The following TRUB1 variants were observed in gnomAD, a reference collection of about 807,000 sequenced individuals.
TRUB1 encodes the protein pseudouridylate synthase TRUB1.
TRUB1 carries 23 observed loss-of-function variants against 33.9 expected under a neutral mutation model. That is an observed-to-expected ratio of 0.68 (90% CI 0.49 to 0.96). TRUB1 has a LOEUF of 0.96. Ranked by LOEUF, TRUB1 falls within the 40% of genes least tolerant of loss-of-function variation. TRUB1 has a pLI of 0.00. For synonymous variants in TRUB1, 163 were observed against 165.4 expected, an observed-to-expected ratio of 0.99 and a Z score of 0.11; for missense variants, 378 against 422.2, an observed-to-expected ratio of 0.90 and a Z score of 0.92.
At chr10:114,973,446 A>G (rs77087468) in intron 6 of TRUB1, among the ~76,000 whole-genome samples, 6,117 of 152,292 alleles carry the variant, frequency 0.04, 150 homozygotes, top group Middle Eastern at 0.051. Context: ...CCCACTTTCA[A>G]TTTCAGCAGT....
chr10:114,948,507 T>G (rs533241743), intron 2 of TRUB1, among the ~76,000 whole-genome samples: 2 of 152,222 alleles, frequency 1.3e-5, no homozygotes, highest in Admixed American at 6.5e-5. Flanking sequence ...TTTGAATGAT[T>G]GAAGGGAAAA....
At chr10:114,967,850 C>T (rs1019190146) in intron 4 of TRUB1, among the ~76,000 whole-genome samples, 1 of 152,130 alleles carries the variant, frequency 6.6e-6, no homozygotes, top group African/African-American at 2.4e-5. Context: ...GTACCACAAG[C>T]TTAGATTTTA....
chr10:114,970,620 A>G (rs1248119778), intron 5 of TRUB1, among the ~76,000 whole-genome samples, 180 bp downstream of exon 5: 1 of 152,240 alleles, frequency 6.6e-6, no homozygotes, highest in African/African-American at 2.4e-5. Flanking sequence ...TCTAAGAGGC[A>G]GTGGAATGTG....
At chr10:114,956,865 T>C (rs2084263784) in intron 3 of TRUB1, among the ~76,000 whole-genome samples, 1 of 152,152 alleles carries the variant, frequency 6.6e-6, no homozygotes, top group South Asian at 2.1e-4. Flanking sequence ...TCAATAAGTT[T>C]TAAGTGTGTA....
rs1279079696 is a variant in TRUB1 at position 114,977,542 on chromosome 10, T to C, written c.*2163T>C. On this transcript the variant is annotated 3_prime_UTR_variant, in exon 8 of 8. Transcript: ENST00000298746. ...TGTAACATTTTACAGTGTTACCATT[T>C]GAGTAGGGGTTTTATATGTTGTTGC... 1 of 152,040 alleles carries C rather than the reference T, an allele frequency of 6.6e-6. No individual in the cohort carries two copies. The highest frequency in any genetic ancestry group is 1.5e-5 in the Non-Finnish European group (1 of 67,926). The allele number at this position is 152,040 out of a possible 1,614,324, so 9.4% of individuals were successfully genotyped here.
intron 3 of TRUB1, among the ~76,000 whole-genome samples, chr10:114,958,275 A>G (rs2084269964): frequency 6.6e-6 from 1 of 152,328 alleles, no homozygotes; most frequent in South Asian, 2.1e-4. Context: ...GTCTCAGGTG[A>G]TGAGACTGTG....
intron 6 of TRUB1, 47 bp downstream of exon 6, chr10:114,972,321 A>G: frequency 1.9e-6 from 3 of 1,549,666 alleles, no homozygotes; most frequent in Non-Finnish European, 2.6e-6. Context: ...TGTATTTTTA[A>G]TTTGTATTTG....
intron 3 of TRUB1, among the ~76,000 whole-genome samples, chr10:114,958,414 G>T (rs1048157200): frequency 2.6e-5 from 4 of 152,156 alleles, no homozygotes; most frequent in Admixed American, 1.3e-4. Flanking sequence ...ATATTAAGGT[G>T]ATTTCATCGA....
At position 114,950,393 on chromosome 10, in the gene TRUB1, A is replaced by G. The variant is rs145195676; in HGVS notation, c.386-701A>G. On this transcript the variant is annotated intron_variant, in intron 2 of 7. Transcript: ENST00000298746. Reference sequence around the variant, plus strand: ...TTGTATTGTGTTCTTATGCACAGTTATATCTGTTGATGACAAATATTTCTA... The same window carrying G: ...TTGTATTGTGTTCTTATGCACAGTTGTATCTGTTGATGACAAATATTTCTA... Among the ~76,000 whole-genome samples the G allele has an allele frequency of 1.3e-3, 199 of 152,292 alleles. 4 individuals carry two copies. The highest frequency in any genetic ancestry group is 6.6e-4 in the Non-Finnish European group (45 of 68,024).
chr10:114,948,660 T>C (rs1257807466), intron 2 of TRUB1, among the ~76,000 whole-genome samples: 10 of 152,210 alleles, frequency 6.6e-5, no homozygotes, highest in Admixed American at 5.2e-4. Flanking sequence ...ATCACCTCAC[T>C]TCAATGGCAT....
rs185068338 is a variant in TRUB1 at position 114,954,166 on chromosome 10, G to C, written c.441+3017G>C. On this transcript the variant is annotated intron_variant, in intron 3 of 7. Transcript: ENST00000298746. ...CAGATGAATTTTTATTTGCATCACA[G>C]TGCAACTAGAAAAATTAGACTTCTG... Among the ~76,000 whole-genome samples the C allele has an allele frequency of 1.6e-4, 25 of 151,990 alleles. No individual in the cohort carries two copies. In the East Asian group the frequency reaches 2.5e-3, roughly 15 times the overall value.
At chr10:114,970,293 G>A in intron 4 of TRUB1, 75 bp from the exon 5 acceptor site, 1 of 1,004,048 alleles carries the variant, frequency 1.0e-6, no homozygotes, top group Non-Finnish European at 1.5e-6. Context: ...TGAATTTTCA[G>A]GGCTGTTGGT....
intron 3 of TRUB1, among the ~76,000 whole-genome samples, chr10:114,957,849 T>TA (rs1352503232): frequency 6.6e-6 from 1 of 152,176 alleles, no homozygotes; most frequent in Non-Finnish European, 1.5e-5. Flanking sequence ...AAACAGACTC[T>TA]AAAGACAAAA....
At position 114,938,488 on chromosome 10, in the gene TRUB1, G is replaced by T. The variant is rs2084170336; in HGVS notation, c.235G>T (p.Gly79Trp). 1.9e-6 allele frequency: 3 copies of T among 1,581,244 alleles called. No individual in the cohort carries two copies. The highest frequency in any genetic ancestry group is 3.8e-5 in the Admixed American group (2 of 52,410). ...SGVFAVHKPK[G>W]PTSAELLNRL... ...CGTGTTCGCCGTGCACAAGCCCAAA[G>T]GGCCCACTTCAGCCGAGCTGCTGAA... Residue 79 changes from glycine (G) to tryptophan (W), a missense_variant, in exon 1 of 8, where the codon GGG (glycine) becomes TGG (tryptophan). Physicochemically the swap from Gly to Trp is radical, Grantham distance 184 (BLOSUM62 -2). Coordinates refer to ENST00000298746, the MANE Select transcript of TRUB1 (RefSeq NM_139169.5).
chr10:114,971,197 G>A (rs751082978), intron 5 of TRUB1, among the ~76,000 whole-genome samples: 1 of 152,142 alleles, frequency 6.6e-6, no homozygotes, highest in Admixed American at 6.5e-5. Context: ...TGCGCCCTAC[G>A]ACCTAATTAC....
chr10:114,941,535 GT>G (rs996989400), intron 1 of TRUB1, among the ~76,000 whole-genome samples: 1 of 151,994 alleles, frequency 6.6e-6, no homozygotes, highest in African/African-American at 2.4e-5. Context: ...TAGAGACAGG[GT>G]TTCCCTGTGT....
intron 3 of TRUB1, among the ~76,000 whole-genome samples, chr10:114,954,128 C>T (rs2084250379): frequency 1.3e-5 from 2 of 151,894 alleles, no homozygotes; most frequent in Non-Finnish European, 2.9e-5. Context: ...TTTTTCTTCA[C>T]TTCCTATTTT....
At chr10:114,972,448 C>G (rs186114646) in intron 6 of TRUB1, among the ~76,000 whole-genome samples, 174 bp downstream of exon 6, 1 of 152,042 alleles carries the variant, frequency 6.6e-6, no homozygotes. Context: ...AATGAGATAC[C>G]TGTAGCTATA....
intron 1 of TRUB1, among the ~76,000 whole-genome samples, chr10:114,941,047 A>C (rs1253234775): frequency 6.6e-6 from 1 of 151,770 alleles, no homozygotes; most frequent in Non-Finnish European, 1.5e-5. Flanking sequence ...CTGCATTTCC[A>C]CTGTTGCTTT....
Sources: gnomAD v4.1 joint callset for allele counts (sites outside exome capture counted in the v4.1 genomes callset) on GRCh38, gnomAD v4.1.1 for gene constraint, MANE v1.5 for transcripts, NCBI Gene and HGNC (gene_info 2026-07-23, HGNC 2026-07-21) for gene names.